DUS2: variants seen among roughly 807,000 people sequenced by gnomAD.
DUS2 encodes the protein tRNA-dihydrouridine(20) synthase [NAD(P)+]-like.
DUS2 carries 52 observed loss-of-function variants against 71.3 expected under a neutral mutation model. The ratio of observed to expected loss-of-function variants is 0.73; its 90% CI spans 0.58 to 0.92. The LOEUF is 0.92. Among genes scored for constraint, DUS2 ranks in the 40% least tolerant of loss-of-function variants. DUS2 has a pLI of 0.00. For missense variants in DUS2, 558 were observed against 622.6 expected (o/e 0.90, Z 1.10); for synonymous variants, 204 against 227.8 (o/e 0.90, Z 0.94).
At chr16:68,027,903 A>G (rs1475218507) in intron 2 of DUS2, among the ~76,000 whole-genome samples, 1 of 152,186 alleles carries the variant, frequency 6.6e-6, no homozygotes, top group East Asian at 1.9e-4. Flanking sequence ...AGAGCAGGCC[A>G]GGCTGGGGAA....
intron 8 of DUS2, among the ~76,000 whole-genome samples, chr16:68,065,274 C>G (rs925364232): frequency 1.3e-4 from 20 of 152,114 alleles, no homozygotes; most frequent in Non-Finnish European, 2.8e-4. Context: ...AAGAGGAATG[C>G]AGGCCCCCCT....
intron 14 of DUS2, among the ~76,000 whole-genome samples, chr16:68,075,786 CTG>C (rs771537979): frequency 3.9e-5 from 6 of 152,192 alleles, no homozygotes; most frequent in Non-Finnish European, 8.8e-5. Context: ...TCCTGAAAGT[CTG>C]TGCTTTTCCA....
At chr16:68,066,834 A>G (rs1298643792) in intron 10 of DUS2, among the ~76,000 whole-genome samples, 198 bp downstream of exon 10, 2 of 152,070 alleles carry the variant, frequency 1.3e-5, no homozygotes, top group African/African-American at 4.8e-5. Context: ...CCTTTCTTTC[A>G]TTCATGGAGT....
At chr16:68,050,889 T>C (rs531898960) in intron 4 of DUS2, among the ~76,000 whole-genome samples, 24 of 152,332 alleles carry the variant, frequency 1.6e-4, no homozygotes, top group Non-Finnish European at 3.2e-4. Flanking sequence ...CACAAATATT[T>C]TGTGGTTCTT....
chr16:68,076,295 C>T (rs1433764452), intron 14 of DUS2, among the ~76,000 whole-genome samples: 1 of 152,162 alleles, frequency 6.6e-6, no homozygotes, highest in South Asian at 2.1e-4. Context: ...TCCACCCACT[C>T]CCTACTAATC....
At chr16:68,063,662 C>G (rs1162909674) in intron 8 of DUS2, among the ~76,000 whole-genome samples, 1 of 152,072 alleles carries the variant, frequency 6.6e-6, no homozygotes, top group Non-Finnish European at 1.5e-5. Context: ...AAAGCTTCTA[C>G]CAGGTAACTC....
intron 9 of DUS2, 32 bp downstream of exon 9, chr16:68,066,414 T>C (rs1332402929): frequency 6.2e-7 from 1 of 1,608,200 alleles, no homozygotes; most frequent in African/African-American, 1.3e-5. Context: ...TGAAGGTCCA[T>C]TCTCTCTGGT....
At chr16:68,054,059 G>T in intron 5 of DUS2, 1 of 201,050 alleles carries the variant, frequency 5.0e-6, no homozygotes, top group Non-Finnish European at 1.0e-5. Context: ...GAGTTGTGAT[G>T]ACTCTATAGT....
At chr16:68,054,490 T>A (rs2033823265) in intron 5 of DUS2, 84 bp from the exon 6 acceptor site, 2 of 1,419,526 alleles carry the variant, frequency 1.4e-6, no homozygotes, top group Admixed American at 3.4e-5. Flanking sequence ...TGTGTGTGTG[T>A]ATGTGTGTGC....
chr16:68,068,372 C>A (rs2034038247), intron 10 of DUS2, among the ~76,000 whole-genome samples: 1 of 152,196 alleles, frequency 6.6e-6, no homozygotes, highest in South Asian at 2.1e-4. Context: ...CCCAAGGCAG[C>A]AGGCTTTGGA....
chr16:68,078,563 G>C, intron 16 of DUS2, 45 bp downstream of exon 16: 1 of 1,594,788 alleles, frequency 6.3e-7, no homozygotes. Context: ...GTGGGGCGGA[G>C]AGTGGGCATT....
chr16:68,037,254 A>G (rs961534585), intron 2 of DUS2, among the ~76,000 whole-genome samples: 4 of 151,668 alleles, frequency 2.6e-5, no homozygotes, highest in African/African-American at 9.7e-5. Context: ...CGTTAGATGA[A>G]TGTATGTGCA....
At position 68,075,379 on chromosome 16, in the gene DUS2, C is replaced by G; in HGVS notation, c.957C>G (p.Phe319Leu). 1.2e-6 allele frequency: 2 copies of G among 1,612,664 alleles called. No homozygotes were observed. The highest frequency in any genetic ancestry group is 1.1e-5 in the South Asian group (1 of 90,596). The part of the protein sequence containing the change: ...EICEAFGLGA[F>L]YEETTQELDA... ...GTGAGGCCTTTGGCCTTGGTGCCTTCTATGAGGAGACCACACAGGAGCTGG... is the reference window on the plus strand; with the variant it reads ...GTGAGGCCTTTGGCCTTGGTGCCTTGTATGAGGAGACCACACAGGAGCTGG... The change falls in exon 14 of 17, where the codon TTC becomes TTG. Residue 319 changes from phenylalanine (F) to leucine (L), a missense_variant. Coordinates refer to ENST00000565263, the MANE Select transcript of DUS2 (RefSeq NM_017803.5).
intron 2 of DUS2, among the ~76,000 whole-genome samples, chr16:68,029,316 T>A (rs1009782182): frequency 6.6e-6 from 1 of 152,228 alleles, no homozygotes; most frequent in African/African-American, 2.4e-5. Context: ...TTTTAATTTT[T>A]ATTTTTAATA....
chr16:68,077,039 G>A (rs1186597127), intron 15 of DUS2, among the ~76,000 whole-genome samples: 1 of 151,900 alleles, frequency 6.6e-6, no homozygotes, highest in Non-Finnish European at 1.5e-5. Flanking sequence ...GGTGGAACAC[G>A]AGGTCAGGAG....
chr16:68,027,427 G>C (rs536321197), intron 2 of DUS2, among the ~76,000 whole-genome samples: 2 of 152,214 alleles, frequency 1.3e-5, no homozygotes, highest in East Asian at 3.9e-4. Context: ...TAGTAGAGAC[G>C]TGGTTTCTCC....
intron 15 of DUS2, chr16:68,077,319 T>C (rs1303555849): frequency 6.6e-6 from 1 of 152,144 alleles, no homozygotes; most frequent in Non-Finnish European, 1.5e-5. Context: ...TGGTCCTCCT[T>C]CCTCAGCCTC....
chr16:68,075,883 C>T (rs2151427112), intron 14 of DUS2, among the ~76,000 whole-genome samples: 1 of 152,286 alleles, frequency 6.6e-6, no homozygotes, highest in Admixed American at 6.5e-5. Flanking sequence ...AGCCCCTACC[C>T]ACACCCAGTG....
At chr16:68,061,023 T>C in intron 7 of DUS2, 43 bp from the exon 8 acceptor site, 4 of 1,601,752 alleles carry the variant, frequency 2.5e-6, no homozygotes, top group Non-Finnish European at 3.4e-6. Flanking sequence ...AGGGCCATAG[T>C]GTCTCCCAGA....
Sources: gnomAD v4.1 joint callset for allele counts (sites outside exome capture counted in the v4.1 genomes callset) on GRCh38, gnomAD v4.1.1 for gene constraint, MANE v1.5 for transcripts, NCBI Gene and HGNC (gene_info 2026-07-23, HGNC 2026-07-21) for gene names.